Variants in RNF150 observed in about 807,000 individuals in gnomAD.
The protein encoded by RNF150 is ring finger protein 150.
In RNF150, 24 loss-of-function variants were observed where a neutral mutation model predicts 39.3. That is an observed-to-expected ratio of 0.61 (90% CI 0.44 to 0.86). The LOEUF (loss-of-function observed/expected upper bound fraction) is 0.86. RNF150 is among the 40% of genes least tolerant of loss of function. The pLI is 0.00. For synonymous variants in RNF150, 255 were observed against 227.3 expected (o/e 1.12, Z -1.10); for missense variants, 502 against 587.8 (o/e 0.85, Z 1.51).
chr4:141,197,003 T>C (rs2111210338), intron 1 of RNF150, among the ~76,000 whole-genome samples: 2 of 152,330 alleles, frequency 1.3e-5, no homozygotes, highest in East Asian at 1.9e-4. Flanking sequence ...TAAATTAATC[T>C]TTTGATCAGT....
At chr4:141,027,913 T>C (rs958985605) in intron 1 of RNF150, among the ~76,000 whole-genome samples, 1 of 45,268 alleles carries the variant, frequency 2.2e-5, no homozygotes, top group Non-Finnish European at 4.4e-5. Flanking sequence ...TTGGAATTTG[T>C]TTTTTTTTTT....
At chr4:140,917,655 C>T (rs1022688074) in intron 5 of RNF150, among the ~76,000 whole-genome samples, 34 of 152,240 alleles carry the variant, frequency 2.2e-4, no homozygotes, top group African/African-American at 7.7e-4. Context: ...AACAAGGATA[C>T]CCAAGAATTG....
intron 1 of RNF150, among the ~76,000 whole-genome samples, chr4:141,022,455 T>A (rs1235553972): frequency 6.6e-6 from 1 of 152,152 alleles, no homozygotes; most frequent in Admixed American, 6.5e-5. Context: ...TTTGTACAGA[T>A]GGGAGTAAGG....
intron 1 of RNF150, among the ~76,000 whole-genome samples, chr4:141,047,661 T>C (rs975041549): frequency 2.0e-5 from 3 of 152,188 alleles, no homozygotes; most frequent in African/African-American, 7.2e-5. Flanking sequence ...CCACTGACTA[T>C]GTTCCCAAAT....
rs546542516 is a variant in RNF150 at position 140,993,451 on chromosome 4, G to A, written c.485-25578C>T. On this transcript the variant is annotated intron_variant, in intron 1 of 6. Transcript: ENST00000515673. ...TGGGAAGTCCCTTTTGACATGTAAG[G>A]TAATGTATTCACAGGTTCTGGACAT... 3.3e-5 allele frequency among the ~76,000 whole-genome samples: 5 copies of A among 152,278 alleles called. No homozygotes were observed. The East Asian group carries it at 9.7e-4, about 29-fold the overall frequency.
intron 1 of RNF150, among the ~76,000 whole-genome samples, chr4:140,995,145 C>T (rs567801163): frequency 6.6e-6 from 1 of 152,104 alleles, no homozygotes; most frequent in Non-Finnish European, 1.5e-5. Context: ...CTACTCTTTC[C>T]AGCCTCTGGT....
At chr4:141,130,432 C>T (rs1463366046) in intron 1 of RNF150, among the ~76,000 whole-genome samples, 2 of 151,860 alleles carry the variant, frequency 1.3e-5, no homozygotes, top group Non-Finnish European at 2.9e-5. Flanking sequence ...TTTCCTTTAA[C>T]GTTCAAACTA....
In RNF150 at chr4:140,922,992, C is replaced by T. The variant is rs371758533; in HGVS notation, c.987+2985G>A. Among the ~76,000 whole-genome samples the T allele has an allele frequency of 4.0e-3, 608 of 150,828 alleles. 33 individuals are homozygous for T. Among genetic ancestry groups the T allele is most frequent in the African/African-American group, 0.014 (566 of 40,288 alleles). On this transcript the variant is annotated intron_variant, in intron 5 of 6. Coordinates refer to ENST00000515673, the MANE Select transcript of RNF150 (RefSeq NM_020724.2). ...ATTCAAGATGGATTAAAGACTTAAA[C>T]GTTAGACCTAAAACCATAAAAACCC... is the stretch of plus-strand genomic sequence containing the variant.
At chr4:141,194,542 G>A (rs1215450601) in intron 1 of RNF150, among the ~76,000 whole-genome samples, 4 of 152,046 alleles carry the variant, frequency 2.6e-5, no homozygotes, top group Non-Finnish European at 5.9e-5. Flanking sequence ...TTTTTAGGTT[G>A]ATTTGAAAAA....
At chr4:141,162,417 A>T (rs1424791393) in intron 1 of RNF150, among the ~76,000 whole-genome samples, 1 of 152,126 alleles carries the variant, frequency 6.6e-6, no homozygotes, top group African/African-American at 2.4e-5. Flanking sequence ...TTGATTTTGC[A>T]GGTTCATAGG....
At chr4:140,931,568 C>A (rs1167757653) in intron 4 of RNF150, among the ~76,000 whole-genome samples, 1 of 152,170 alleles carries the variant, frequency 6.6e-6, no homozygotes, top group Non-Finnish European at 1.5e-5. Context: ...AGGCAAAGTC[C>A]ATCTCATCTT....
At chr4:141,123,085 T>G (rs1726657446) in intron 1 of RNF150, among the ~76,000 whole-genome samples, 1 of 152,146 alleles carries the variant, frequency 6.6e-6, no homozygotes, top group South Asian at 2.1e-4. Flanking sequence ...AATTAGAACT[T>G]CCCCCACTTT....
chr4:140,939,027 G>C (rs148132620), intron 4 of RNF150, among the ~76,000 whole-genome samples: 17 of 152,248 alleles, frequency 1.1e-4, no homozygotes, highest in African/African-American at 3.9e-4. Context: ...CCATATTTGG[G>C]TTTTGACTTT....
rs372341714 is a variant in RNF150 at position 140,923,458 on chromosome 4, CA to C, written c.987+2518del. ...ACCAGTTAGAATGGTGATCATTAAA[CA>C]GTCAGGAAACAACAGGTGCTGGAGA... On this transcript the variant is annotated intron_variant, in intron 5 of 6. Transcript: ENST00000515673. Among the ~76,000 whole-genome samples, 28 of 152,090 alleles carry C rather than the reference CA, an allele frequency of 1.8e-4. No individual in the cohort carries two copies. In the East Asian group the frequency reaches 3.5e-3, roughly 19 times the overall value.
intron 1 of RNF150, among the ~76,000 whole-genome samples, chr4:141,054,742 C>A (rs1411778959): frequency 1.3e-5 from 2 of 152,120 alleles, no homozygotes; most frequent in Non-Finnish European, 2.9e-5. Context: ...AGTGAATCTA[C>A]AGGCCTATAA....
chr4:140,976,844 A>T (rs1363486658), intron 1 of RNF150, among the ~76,000 whole-genome samples: 2 of 152,060 alleles, frequency 1.3e-5, no homozygotes, highest in South Asian at 2.1e-4. Flanking sequence ...CTAAGAGGGA[A>T]ATCTCACAAG....
chr4:140,920,133 A>C (rs1171209445), intron 5 of RNF150, among the ~76,000 whole-genome samples: 2 of 150,266 alleles, frequency 1.3e-5, no homozygotes, highest in African/African-American at 4.9e-5. Flanking sequence ...ATGGGCAAGG[A>C]CTTCATGTCT....
intron 1 of RNF150, among the ~76,000 whole-genome samples, chr4:141,069,766 A>G (rs527584121): frequency 0.017 from 2,565 of 151,998 alleles, 26 homozygotes; most frequent in South Asian, 0.038. Flanking sequence ...CAGAGATTCA[A>G]CTTCTTCCTG....
At chr4:141,006,018 G>A (rs1313994372) in intron 1 of RNF150, among the ~76,000 whole-genome samples, 1 of 126,904 alleles carries the variant, frequency 7.9e-6, no homozygotes, top group Non-Finnish European at 1.7e-5. Context: ...GCAGTGAGCC[G>A]AGATCCCGCC....
Sources: allele counts gnomAD v4.1 joint callset (sites outside exome capture counted in the v4.1 genomes callset), GRCh38; gene constraint gnomAD v4.1.1; transcripts MANE v1.5; gene names NCBI Gene and HGNC (gene_info 2026-07-23, HGNC 2026-07-21).